Variants in NDRG4 observed in about 807,000 individuals in gnomAD.
The protein encoded by NDRG4 is NDRG family member 4.
Under a neutral mutation model 55.8 loss-of-function variants are expected in NDRG4, and 38 were observed. The observed-to-expected ratio is 0.68, with a 90% CI of 0.53 to 0.89. The LOEUF is 0.89. Among genes scored for constraint, NDRG4 ranks in the 40% least tolerant of loss-of-function variants. The probability of loss-of-function intolerance (pLI) is 0.00; values close to 1 mark genes in which losing one functional copy is unlikely to be tolerated. For synonymous variants in NDRG4, 190 were observed against 182.7 expected (o/e 1.04, Z -0.32); for missense variants, 455 against 468.6 (o/e 0.97, Z 0.27).
intron 1 of NDRG4, among the ~76,000 whole-genome samples, chr16:58,468,123 C>T (rs754890292): frequency 2.0e-5 from 3 of 152,200 alleles, no homozygotes; most frequent in Non-Finnish European, 4.4e-5. Context: ...CCAGGTGCCC[C>T]CTCACATGTG....
chr16:58,506,168 G>GTGTGTGTGTGTGTGTGTGTT, intron 5 of NDRG4: 1 of 680,476 alleles, frequency 1.5e-6, no homozygotes, highest in Non-Finnish European at 2.7e-6. Flanking sequence ...CTGTGTGTGT[G>GTGTGTGTGTGTGTGTGTGTT]TAGGGGTGGA....
At chr16:58,478,022 G>A (rs1404776774) in intron 1 of NDRG4, among the ~76,000 whole-genome samples, 1 of 152,124 alleles carries the variant, frequency 6.6e-6, no homozygotes, top group East Asian at 1.9e-4. Flanking sequence ...TATAACCTCA[G>A]TCTAATCATG....
At chr16:58,492,864 G>A (rs2035964312) in intron 2 of NDRG4, among the ~76,000 whole-genome samples, 1 of 151,876 alleles carries the variant, frequency 6.6e-6, no homozygotes, top group Non-Finnish European at 1.5e-5. Context: ...TCAGCCCCAG[G>A]CCCTTGTCCT....
chr16:58,498,139 G>C (rs2036614654), upstream of NDRG4, among the ~76,000 whole-genome samples: 1 of 152,136 alleles, frequency 6.6e-6, no homozygotes, highest in African/African-American at 2.4e-5. Flanking sequence ...GGGGTCAGAG[G>C]TTGGAGTGGG....
chr16:58,509,257 C>A, intron 12 of NDRG4, 44 bp from the exon 13 acceptor site: 1 of 1,613,934 alleles, frequency 6.2e-7, no homozygotes, highest in Non-Finnish European at 8.5e-7. Context: ...ACCTGCTAAT[C>A]CTAGGCAGCC....
chr16:58,494,880 A>T, intron 2 of NDRG4: 1 of 1,114,334 alleles, frequency 9.0e-7, no homozygotes, highest in Non-Finnish European at 1.4e-6. Context: ...ACTAGGGGAC[A>T]GAAATTGAGT....
chr16:58,478,352 G>A (rs1158617559), intron 1 of NDRG4, among the ~76,000 whole-genome samples: 2 of 150,844 alleles, frequency 1.3e-5, no homozygotes. Context: ...TCGCGCCATT[G>A]CACTCCAGCC....
At chr16:58,504,330 T>C in intron 3 of NDRG4, 29 bp from the exon 4 acceptor site, 1 of 1,613,950 alleles carries the variant, frequency 6.2e-7, no homozygotes, top group Non-Finnish European at 8.5e-7. Flanking sequence ...AGGCCACACC[T>C]GGGCCCTGAC....
In NDRG4 at chr16:58,507,814, A is replaced by C. The variant is rs776129060; in HGVS notation, c.627A>C (p.Arg209Ser). ...QLFWNMYNSRRDLDINRPGTV... is the reference protein window; with the variant it reads ...QLFWNMYNSRSDLDINRPGTV... ...CCCTCCCCCTGCCCCACAGCCGCAG[A>C]GACCTGGACATTAACCGGCCTGGAA... Residue 209 changes from arginine to serine, a missense_variant, in exon 9 of 15, where the codon AGA (arginine) becomes AGC (serine). Physicochemically the swap from Arg to Ser is moderately radical, Grantham distance 110 (BLOSUM62 -1). Transcript: ENST00000570248. 19 of 1,613,600 alleles carry C rather than the reference A, an allele frequency of 1.2e-5. No homozygotes were observed. The highest frequency in any genetic ancestry group is 1.6e-5 in the Non-Finnish European group (19 of 1,179,950).
At chr16:58,505,663 C>T (rs1204072154) in intron 5 of NDRG4, among the ~76,000 whole-genome samples, 1 of 144,080 alleles carries the variant, frequency 6.9e-6, no homozygotes, top group East Asian at 2.0e-4. Context: ...GCAAAACAGA[C>T]TTTGAAAAGG....
chr16:58,496,253 G>A (rs970118334), upstream of NDRG4, among the ~76,000 whole-genome samples: 6 of 152,112 alleles, frequency 3.9e-5, no homozygotes, highest in East Asian at 1.9e-4. Context: ...CTGCTGCTGC[G>A]AAGCTGCCTC....
chr16:58,508,890 C>A (rs1430164343), intron 10 of NDRG4, 72 bp from the exon 11 acceptor site: 2 of 1,555,758 alleles, frequency 1.3e-6, no homozygotes, highest in Non-Finnish European at 1.8e-6. Context: ...GAGCTTGGGG[C>A]ATCAAACCTG....
chr16:58,506,486 A>G lies in NDRG4; in HGVS notation c.459+13A>G, dbSNP rs372912219. On this transcript the variant is annotated intron_variant, in intron 6 of 14. Transcript: ENST00000570248. ...GGCTGCCACCAAGGTGTGTGTGGTG[A>G]CCGGGGGTGGGGTGGGTATACCTAG... 103 of 1,337,446 alleles carry G rather than the reference A, an allele frequency of 7.7e-5. 1 individual carries two copies. Among genetic ancestry groups the G allele is most frequent in the Middle Eastern group, 3.9e-4 (2 of 5,108 alleles). 82.8% of individuals were successfully genotyped at this position (1,337,446 alleles called of 1,614,324 possible). A position where few individuals can be genotyped will look rare whatever the true frequency, so the allele number is the denominator to read the frequency against.
chr16:58,501,240 C>A, intron 1 of NDRG4: 1 of 410,378 alleles, frequency 2.4e-6, no homozygotes. Flanking sequence ...ACCCTGTCCC[C>A]TGAATTATTG....
intron 1 of NDRG4, among the ~76,000 whole-genome samples, chr16:58,476,054 C>T (rs562328155): frequency 6.6e-6 from 1 of 152,330 alleles, no homozygotes; most frequent in South Asian, 2.1e-4. Context: ...GCCTCGGCCT[C>T]CCCAAGTGCT....
At chr16:58,511,105 G>A (rs576863611) in intron 14 of NDRG4, 36 of 475,406 alleles carry the variant, frequency 7.6e-5, no homozygotes, top group African/African-American at 1.7e-4. Flanking sequence ...CCACCGCTCC[G>A]CGTCCTCCTT....
intron 1 of NDRG4, among the ~76,000 whole-genome samples, chr16:58,475,861 ATCT>A (rs2033552592): frequency 6.6e-6 from 1 of 151,968 alleles, no homozygotes; most frequent in Non-Finnish European, 1.5e-5. Context: ...CAGTGGCACA[ATCT>A]TGGCACACTG....
chr16:58,496,584 G>A (rs993515903), upstream of NDRG4, among the ~76,000 whole-genome samples: 17 of 151,896 alleles, frequency 1.1e-4, no homozygotes, highest in Non-Finnish European at 2.2e-4. Context: ...GGACTAACAT[G>A]AGCCAGACAG....
chr16:58,511,393 C>T (rs750765075), intron 14 of NDRG4, 29 bp from the exon 15 acceptor site: 1 of 1,579,662 alleles, frequency 6.3e-7, no homozygotes. Flanking sequence ...GCCCGCCAGT[C>T]CTCAGGCCCA....
Sources: allele counts gnomAD v4.1 joint callset (sites outside exome capture counted in the v4.1 genomes callset), GRCh38; gene constraint gnomAD v4.1.1; transcripts MANE v1.5; gene names NCBI Gene and HGNC (gene_info 2026-07-23, HGNC 2026-07-21).